Variants in NYAP2 observed in about 807,000 individuals in gnomAD.
NYAP2 encodes neuronal tyrosine-phosphorylated phosphoinositide-3-kinase adaptor 2.
In NYAP2, 23 loss-of-function variants were observed where a neutral mutation model predicts 50.4. The ratio of observed to expected loss-of-function variants is 0.46; its 90% confidence interval spans 0.33 to 0.65. NYAP2 has a LOEUF of 0.65. NYAP2 is among the 30% of genes least tolerant of loss of function. The pLI is 0.02. For synonymous variants in NYAP2, 394 were observed against 365.2 expected, an observed-to-expected ratio of 1.08 and a Z score of -0.90; for missense variants, 885 against 861.0, an observed-to-expected ratio of 1.03 and a Z score of -0.35.
intron 5 of NYAP2, among the ~76,000 whole-genome samples, chr2:225,586,635 A>G (rs932685796): frequency 1.3e-5 from 2 of 152,184 alleles, no homozygotes; most frequent in Non-Finnish European, 2.9e-5. Context: ...TTTACTACCT[A>G]TCATTTTCAT....
chr2:225,644,894 C>CT (rs1309401898), intron 6 of NYAP2, among the ~76,000 whole-genome samples: 1 of 152,068 alleles, frequency 6.6e-6, no homozygotes, highest in African/African-American at 2.4e-5. Flanking sequence ...CAGCTTTGTT[C>CT]TTTGGCTTAG....
At chr2:225,614,699 CTG>C (rs1363081158) in intron 5 of NYAP2, among the ~76,000 whole-genome samples, 3 of 152,184 alleles carry the variant, frequency 2.0e-5, no homozygotes, top group Admixed American at 2.0e-4. Flanking sequence ...AATATTTAGA[CTG>C]TGTTTTACAG....
intron 6 of NYAP2, among the ~76,000 whole-genome samples, chr2:225,638,632 T>C (rs1192171912): frequency 1.3e-5 from 2 of 152,154 alleles, no homozygotes; most frequent in Non-Finnish European, 2.9e-5. Flanking sequence ...ACAACCATGA[T>C]GTCTCCAGGT....
chr2:225,691,563 T>C, the NYAP2 span, among the ~76,000 whole-genome samples: 9 of 152,184 alleles, frequency 5.9e-5, no homozygotes, highest in Non-Finnish European at 1.3e-4. Flanking sequence ...TACTTTTTCC[T>C]GTATGTTTTT....
At chr2:225,496,565 T>C (rs1690509483) in intron 3 of NYAP2, among the ~76,000 whole-genome samples, 1 of 152,056 alleles carries the variant, frequency 6.6e-6, no homozygotes, top group South Asian at 2.1e-4. Context: ...GAGTTATAAA[T>C]GGAAAAAACA....
chr2:225,441,265 A>C (rs1163419347), intron 3 of NYAP2, among the ~76,000 whole-genome samples: 2 of 152,208 alleles, frequency 1.3e-5, no homozygotes, highest in African/African-American at 4.8e-5. Context: ...AATCTCAGAC[A>C]TATAACTGGG....
At chr2:225,525,854 C>T (rs907821904) in intron 4 of NYAP2, among the ~76,000 whole-genome samples, 4 of 152,118 alleles carry the variant, frequency 2.6e-5, no homozygotes, top group Non-Finnish European at 4.4e-5. Context: ...TTCAAGATTC[C>T]CCCACTCCCT....
At chr2:225,458,907 G>A (rs1367896996) in intron 3 of NYAP2, among the ~76,000 whole-genome samples, 1 of 152,148 alleles carries the variant, frequency 6.6e-6, no homozygotes. Flanking sequence ...TGTGGACAGT[G>A]GTCTCGTTCT....
At chr2:225,675,099 ATTGT>A in the NYAP2 span, among the ~76,000 whole-genome samples, 16 of 152,072 alleles carry the variant, frequency 1.1e-4, no homozygotes, top group African/African-American at 3.6e-4. Context: ...TTCACAATTT[ATTGT>A]TTATTAGTGG....
intron 3 of NYAP2, among the ~76,000 whole-genome samples, chr2:225,415,868 G>T (rs1695114082): frequency 6.6e-6 from 1 of 151,842 alleles, no homozygotes; most frequent in South Asian, 2.1e-4. Flanking sequence ...ACTAACCTAT[G>T]CTTTGAGCAA....
intron 4 of NYAP2, among the ~76,000 whole-genome samples, chr2:225,555,542 G>A (rs1691761486): frequency 6.6e-6 from 1 of 151,988 alleles, no homozygotes; most frequent in South Asian, 2.1e-4. Context: ...TGATTTTTAG[G>A]GATCACCAGT....
chr2:225,697,921 C>T, the NYAP2 span, among the ~76,000 whole-genome samples: 2 of 151,634 alleles, frequency 1.3e-5, no homozygotes, highest in African/African-American at 4.8e-5. Context: ...ATCTGTAGTC[C>T]CAGCACTTTG....
intron 3 of NYAP2, among the ~76,000 whole-genome samples, chr2:225,439,430 G>C (rs1689435391): frequency 6.6e-6 from 1 of 152,214 alleles, no homozygotes; most frequent in Non-Finnish European, 1.5e-5. Flanking sequence ...TGTGATTACA[G>C]AATAAGATGT....
chr2:225,638,469 A>G (rs1341829129), intron 6 of NYAP2, among the ~76,000 whole-genome samples: 2 of 152,074 alleles, frequency 1.3e-5, no homozygotes, highest in Non-Finnish European at 2.9e-5. Flanking sequence ...AAAGATGTGT[A>G]TAAAGTGTGT....
chr2:225,575,341 C>T (rs372880376), intron 4 of NYAP2, among the ~76,000 whole-genome samples: 45 of 152,232 alleles, frequency 3.0e-4, no homozygotes, highest in African/African-American at 1.1e-3. Flanking sequence ...TAGCACCATA[C>T]TTCTGATACC....
chr2:225,673,422 ACTTG>A, the NYAP2 span, among the ~76,000 whole-genome samples: 1 of 151,946 alleles, frequency 6.6e-6, no homozygotes, highest in Non-Finnish European at 1.5e-5. Flanking sequence ...GTGACAACAG[ACTTG>A]CTTGACAGAG....
chr2:225,658,451 CTTAT>C (rs1285470534), downstream of NYAP2, among the ~76,000 whole-genome samples: 4 of 152,110 alleles, frequency 2.6e-5, no homozygotes, highest in African/African-American at 4.8e-5. Flanking sequence ...AGAAATTATG[CTTAT>C]TTGTTATAAA....
At chr2:225,494,211 A>G (rs1690460691) in intron 3 of NYAP2, among the ~76,000 whole-genome samples, 1 of 152,274 alleles carries the variant, frequency 6.6e-6, no homozygotes, top group African/African-American at 2.4e-5. Flanking sequence ...TGTGACACAT[A>G]GATCACTGTC....
intron 2 of NYAP2, among the ~76,000 whole-genome samples, chr2:225,405,565 C>T (rs771179619): frequency 4.6e-5 from 7 of 151,878 alleles, no homozygotes; most frequent in Admixed American, 2.0e-4. Context: ...TGGTTGTACT[C>T]GTCTGTGGGT....
Sources: gnomAD v4.1 joint callset for allele counts (sites outside exome capture counted in the v4.1 genomes callset) on GRCh38, gnomAD v4.1.1 for gene constraint, MANE v1.5 for transcripts, NCBI Gene and HGNC (gene_info 2026-07-23, HGNC 2026-07-21) for gene names.